The following CELF2 variants were observed in gnomAD, a reference collection of about 807,000 sequenced individuals.
CELF2 encodes CUG triplet repeat RNA-binding protein 2.
Under a neutral mutation model 62.6 loss-of-function variants are expected in CELF2, and 8 were observed. That is an observed-to-expected ratio of 0.13 (90% CI 0.07 to 0.23). The LOEUF (loss-of-function observed/expected upper bound fraction) is 0.23, where lower values mean the gene tolerates loss of function less well. Among genes scored for constraint, CELF2 ranks in the 10% least tolerant of loss-of-function variants. CELF2 has a pLI of 1.00. For missense variants in CELF2, 333 were observed against 671.0 expected, an observed-to-expected ratio of 0.50 and a Z score of 5.56; for synonymous variants, 258 against 250.0, an observed-to-expected ratio of 1.03 and a Z score of -0.30.
At chr10:11,194,894 G>A (rs531050448) in intron 2 of CELF2, among the ~76,000 whole-genome samples, 1 of 152,258 alleles carries the variant, frequency 6.6e-6, no homozygotes, top group Admixed American at 6.5e-5. Flanking sequence ...ATCCCGATGC[G>A]TCTTTGTTGG....
chr10:10,505,595 G>T, the CELF2 span, among the ~76,000 whole-genome samples: 2 of 152,172 alleles, frequency 1.3e-5, no homozygotes, highest in East Asian at 3.9e-4. Context: ...CTCTCTACTT[G>T]GCCTTCTTTG....
the CELF2 span, among the ~76,000 whole-genome samples, chr10:10,574,236 T>C: frequency 2.0e-5 from 3 of 152,092 alleles, no homozygotes; most frequent in South Asian, 6.2e-4. Context: ...TGCAGACCAA[T>C]AGAAGGCTTT....
chr10:11,225,786 C>T (rs2066329402), intron 3 of CELF2, among the ~76,000 whole-genome samples: 1 of 152,224 alleles, frequency 6.6e-6, no homozygotes, highest in South Asian at 2.1e-4. Flanking sequence ...TATTTGATTC[C>T]TGTCCTCAGC....
the CELF2 span, among the ~76,000 whole-genome samples, chr10:10,755,007 C>A: frequency 6.6e-6 from 1 of 152,168 alleles, no homozygotes; most frequent in Non-Finnish European, 1.5e-5. Context: ...CAGAAACAAT[C>A]TTCACTGGCT....
chr10:10,502,851 T>G, the CELF2 span, among the ~76,000 whole-genome samples: 82 of 152,138 alleles, frequency 5.4e-4, no homozygotes, highest in Middle Eastern at 3.4e-3. Context: ...TTGAGACATT[T>G]CTTCCTTTCT....
the CELF2 span, among the ~76,000 whole-genome samples, chr10:10,526,590 A>G: frequency 1.3e-5 from 2 of 152,120 alleles, no homozygotes; most frequent in Non-Finnish European, 2.9e-5. Context: ...TCCCTCCTGG[A>G]CTTCTCAAGT....
chr10:11,150,007 C>T (rs922002953), intron 1 of CELF2, among the ~76,000 whole-genome samples: 1 of 152,112 alleles, frequency 6.6e-6, no homozygotes, highest in Non-Finnish European at 1.5e-5. Flanking sequence ...ACCATATGAC[C>T]CTGGGAGGAG....
chr10:10,814,315 A>G (rs1423628814), intron 1 of CELF2, among the ~76,000 whole-genome samples: 1 of 151,516 alleles, frequency 6.6e-6, no homozygotes, highest in African/African-American at 2.4e-5. Context: ...GAGCCAGAAG[A>G]TGACTTCAGA....
chr10:11,050,795 T>C (rs1356838534), intron 1 of CELF2, among the ~76,000 whole-genome samples: 1 of 152,180 alleles, frequency 6.6e-6, no homozygotes, highest in African/African-American at 2.4e-5. Flanking sequence ...CTTCTCACAA[T>C]ACCCAGGGGC....
At chr10:11,181,664 G>A (rs185784372) in intron 2 of CELF2, among the ~76,000 whole-genome samples, 107 of 152,262 alleles carry the variant, frequency 7.0e-4, no homozygotes, top group Admixed American at 1.2e-3. Flanking sequence ...CCCTCTCACT[G>A]TGCACAGTAC....
intron 1 of CELF2, among the ~76,000 whole-genome samples, chr10:10,913,857 GAGAAGGAAGGAAGGAA>G (rs1564811237): frequency 4.2e-5 from 1 of 23,684 alleles, no homozygotes; most frequent in African/African-American, 1.2e-4. Context: ...GAGGGAAGGA[GAGAAGGAAGGAAGGAA>G]GGAAGGAAGG....
intron 2 of CELF2, among the ~76,000 whole-genome samples, chr10:10,989,644 A>T (rs1370327006): frequency 1.3e-5 from 2 of 152,156 alleles, no homozygotes; most frequent in Non-Finnish European, 2.9e-5. Flanking sequence ...TATGTTAAAT[A>T]AAATAAGCAA....
chr10:10,657,992 T>G, the CELF2 span, among the ~76,000 whole-genome samples: 1 of 152,208 alleles, frequency 6.6e-6, no homozygotes, highest in Admixed American at 6.5e-5. Context: ...AAGTTACAGC[T>G]CCTGTGATTT....
At chr10:10,564,276 C>G in the CELF2 span, among the ~76,000 whole-genome samples, 15 of 152,130 alleles carry the variant, frequency 9.9e-5, no homozygotes, top group Admixed American at 9.8e-4. Context: ...ACATGACATC[C>G]CCTGCAGCTC....
At chr10:10,960,006 G>C (rs569638690) in intron 2 of CELF2, 4 of 152,200 alleles carry the variant, frequency 2.6e-5, no homozygotes, top group African/African-American at 4.8e-5. Flanking sequence ...TCAGCTTTCA[G>C]GGTTCCTGCT....
intron 1 of CELF2, among the ~76,000 whole-genome samples, chr10:10,866,675 G>A (rs1032430059): frequency 9.3e-5 from 14 of 151,112 alleles, no homozygotes; most frequent in African/African-American, 3.4e-4. Context: ...TTGTGGTGAG[G>A]GCCGGGCGCG....
At position 11,103,487 on chromosome 10, in the gene CELF2, A is replaced by ATTTTTTTTTTTTTTTTTTT. The variant is rs3054364; in HGVS notation, c.75-61997_75-61979dup. Among the ~76,000 whole-genome samples the ATTTTTTTTTTTTTTTTTTT allele has an allele frequency of 2.8e-3, 336 of 119,664 alleles. 19 individuals are homozygous for ATTTTTTTTTTTTTTTTTTT. The highest frequency in any genetic ancestry group is 0.01 in the African/African-American group (290 of 28,526). The allele number at this position is 119,664 out of a possible 152,430, so 78.5% of individuals were successfully genotyped here. A position where few individuals can be genotyped will look rare whatever the true frequency, so the allele number is the denominator to read the frequency against. ...CGGATAAACCTGTGTTTGTAGCCTG[A>ATTTTTTTTTTTTTTTTTTT]TTTTTTTTTTTTTTTTTTTTACTGT... On this transcript the variant is annotated intron_variant, in intron 1 of 12. Transcript: ENST00000633077.
At chr10:10,703,174 T>C in the CELF2 span, among the ~76,000 whole-genome samples, 131 of 152,372 alleles carry the variant, frequency 8.6e-4, no homozygotes, top group African/African-American at 3.1e-3. Flanking sequence ...TTATAGTTCT[T>C]ACCATGTGCG....
At chr10:10,722,232 T>C in the CELF2 span, among the ~76,000 whole-genome samples, 6 of 152,044 alleles carry the variant, frequency 3.9e-5, no homozygotes, top group Non-Finnish European at 5.9e-5. Context: ...AGCCCAGAAG[T>C]TGGATGCTGT....
Sources: gnomAD v4.1 joint callset for allele counts (sites outside exome capture counted in the v4.1 genomes callset) on GRCh38, gnomAD v4.1.1 for gene constraint, MANE v1.5 for transcripts, NCBI Gene and HGNC (gene_info 2026-07-23, HGNC 2026-07-21) for gene names.